RBFOX1: variants seen among roughly 807,000 people sequenced by gnomAD.
The protein encoded by RBFOX1 is RNA binding fox-1 homolog 1, also known as RNA binding protein fox-1 homolog 1.
RBFOX1 carries 8 observed loss-of-function variants against 57.7 expected under a neutral mutation model. That is an observed-to-expected ratio of 0.14 (90% CI 0.08 to 0.25). The LOEUF (loss-of-function observed/expected upper bound fraction) is 0.25, where lower values mean the gene tolerates loss of function less well. Ranked by LOEUF, RBFOX1 falls within the 10% of genes least tolerant of loss-of-function variation. The pLI is 1.00. For synonymous variants in RBFOX1, 326 were observed against 222.4 expected (o/e 1.47, Z -4.15); for missense variants, 611 against 548.5 (o/e 1.11, Z -1.14).
At chr16:6,977,007 A>G (rs1387692651) in intron 3 of RBFOX1, among the ~76,000 whole-genome samples, 1 of 147,368 alleles carries the variant, frequency 6.8e-6, no homozygotes, top group Non-Finnish European at 1.5e-5. Flanking sequence ...CATATATTGT[A>G]TATCATATGT....
chr16:7,337,463 A>ATTCC (rs2096811980), intron 4 of RBFOX1, among the ~76,000 whole-genome samples: 1 of 152,140 alleles, frequency 6.6e-6, no homozygotes, highest in South Asian at 2.1e-4. Context: ...TGTGATACTG[A>ATTCC]GATAGAGCCT....
At chr16:6,128,042 C>T (rs77560159) in intron 1 of RBFOX1, among the ~76,000 whole-genome samples, 5,386 of 152,150 alleles carry the variant, frequency 0.035, 270 homozygotes, top group East Asian at 0.23. Context: ...AGTCACTAGG[C>T]ACATGTGACT....
intron 3 of RBFOX1, among the ~76,000 whole-genome samples, chr16:6,987,767 G>T (rs796581074): frequency 2.0e-5 from 3 of 152,284 alleles, no homozygotes; most frequent in African/African-American, 7.2e-5. Flanking sequence ...TAGCAGAGGG[G>T]AGGAGAATAA....
chr16:7,353,452 T>C (rs1365469010), intron 4 of RBFOX1, among the ~76,000 whole-genome samples: 2 of 152,158 alleles, frequency 1.3e-5, no homozygotes, highest in Admixed American at 1.3e-4. Flanking sequence ...GCAATTCTGC[T>C]CCTAGGTATA....
At position 7,173,525 on chromosome 16, in the gene RBFOX1, A is replaced by G. The variant is rs141756388; in HGVS notation, c.27+121427A>G. On this transcript the variant is annotated intron_variant, in intron 4 of 15. Coordinates refer to ENST00000550418, the MANE Select transcript of RBFOX1 (RefSeq NM_018723.4). ...TTTCTCTCAGAAGTCATTTTGTCTC[A>G]TTCCTTGCTTACTTCATTGTATTTC... 1.4e-4 allele frequency among the ~76,000 whole-genome samples: 22 copies of G among 151,986 alleles called. No individual in the cohort carries two copies. In the East Asian group the frequency reaches 4.3e-3, roughly 29 times the overall value.
chr16:6,817,671 C>G (rs1298719251), intron 3 of RBFOX1, among the ~76,000 whole-genome samples: 3 of 152,024 alleles, frequency 2.0e-5, no homozygotes, highest in African/African-American at 2.4e-5. Context: ...CCACTGCACT[C>G]CAGCCTGGGC....
At chr16:7,148,831 G>A (rs58220249) in intron 4 of RBFOX1, among the ~76,000 whole-genome samples, 10,190 of 152,276 alleles carry the variant, frequency 0.067, 460 homozygotes, top group South Asian at 0.13. Context: ...CTCTGAGTAT[G>A]TTTGTAGCAA....
chr16:6,628,009 G>A lies in RBFOX1; in HGVS notation c.-63-26594G>A, dbSNP rs73542163. Among the ~76,000 whole-genome samples, 608 of 152,330 alleles carry A rather than the reference G, an allele frequency of 4.0e-3. 4 individuals carry two copies. Among genetic ancestry groups the A allele is most frequent in the African/African-American group, 0.014 (579 of 41,572 alleles). On this transcript the variant is annotated intron_variant, in intron 2 of 15. Coordinates refer to ENST00000550418, the MANE Select transcript of RBFOX1 (RefSeq NM_018723.4). ...ACCATGTGATTGTTACTGCAGCAGAGCAATGTCTCCAAGTGTGCAAAGGAC... is the reference window on the plus strand; with the variant it reads ...ACCATGTGATTGTTACTGCAGCAGAACAATGTCTCCAAGTGTGCAAAGGAC...
At chr16:7,089,330 T>C (rs1449143901) in intron 4 of RBFOX1, among the ~76,000 whole-genome samples, 1 of 152,222 alleles carries the variant, frequency 6.6e-6, no homozygotes, top group Admixed American at 6.5e-5. Flanking sequence ...CACTGAATTC[T>C]CATAACATTT....
At chr16:5,372,650 C>G (rs1011790779) in intron 1 of RBFOX1, among the ~76,000 whole-genome samples, 1 of 152,136 alleles carries the variant, frequency 6.6e-6, no homozygotes, top group Non-Finnish European at 1.5e-5. Context: ...TCATCCAATC[C>G]TGTCAATCAG....
At chr16:6,967,211 T>G (rs1051197745) in intron 3 of RBFOX1, among the ~76,000 whole-genome samples, 2 of 152,190 alleles carry the variant, frequency 1.3e-5, no homozygotes, top group African/African-American at 2.4e-5. Flanking sequence ...GATCCATCTC[T>G]CCATCCATCA....
chr16:6,477,663 G>A (rs1469131225), intron 2 of RBFOX1, among the ~76,000 whole-genome samples: 1 of 152,202 alleles, frequency 6.6e-6, no homozygotes, highest in Non-Finnish European at 1.5e-5. Flanking sequence ...GTTACCAGCT[G>A]TATTAGCCCC....
chr16:6,148,689 C>T (rs2096776606), intron 1 of RBFOX1, among the ~76,000 whole-genome samples: 1 of 152,160 alleles, frequency 6.6e-6, no homozygotes, highest in African/African-American at 2.4e-5. Flanking sequence ...GCATGGGAGA[C>T]CCAGCTAGAA....
At chr16:5,341,701 C>T (rs1175498373) in intron 1 of RBFOX1, among the ~76,000 whole-genome samples, 2 of 152,148 alleles carry the variant, frequency 1.3e-5, no homozygotes, top group African/African-American at 4.8e-5. Flanking sequence ...TCATTTTGCC[C>T]TAGGTCCATG....
chr16:6,793,890 A>G (rs1366080876), intron 3 of RBFOX1, among the ~76,000 whole-genome samples: 1 of 152,116 alleles, frequency 6.6e-6, no homozygotes, highest in African/African-American at 2.4e-5. Context: ...AAAGGTTATG[A>G]AACATCTATC....
chr16:5,949,169 T>A (rs186443343), intron 4 of RBFOX1, among the ~76,000 whole-genome samples: 2 of 152,230 alleles, frequency 1.3e-5, no homozygotes, highest in Admixed American at 1.3e-4. Flanking sequence ...TTAGCTGACC[T>A]AAGACATATA....
At chr16:6,303,193 A>T (rs2079027172) in intron 1 of RBFOX1, among the ~76,000 whole-genome samples, 1 of 152,212 alleles carries the variant, frequency 6.6e-6, no homozygotes, top group African/African-American at 2.4e-5. Context: ...TAAGCTGATT[A>T]TCTCTCTGAA....
intron 1 of RBFOX1, among the ~76,000 whole-genome samples, chr16:6,026,366 C>G (rs982843239): frequency 2.0e-5 from 3 of 152,182 alleles, no homozygotes; most frequent in Non-Finnish European, 4.4e-5. Flanking sequence ...CTTTTCAGAT[C>G]CCCATTTTGC....
intron 2 of RBFOX1, among the ~76,000 whole-genome samples, chr16:6,584,975 A>G (rs2097586252): frequency 6.6e-6 from 1 of 152,326 alleles, no homozygotes; most frequent in South Asian, 2.1e-4. Context: ...AAGGGGAATC[A>G]GGCAAAAGGA....
Sources: gnomAD v4.1 joint callset for allele counts (sites outside exome capture counted in the v4.1 genomes callset) on GRCh38, gnomAD v4.1.1 for gene constraint, MANE v1.5 for transcripts, NCBI Gene and HGNC (gene_info 2026-07-23, HGNC 2026-07-21) for gene names.